Variants in CADM2 observed in about 807,000 individuals in gnomAD.
CADM2 encodes cell adhesion molecule 2.
Under a neutral mutation model 49.8 loss-of-function variants are expected in CADM2, and 12 were observed. The observed-to-expected ratio is 0.24, with a 90% CI of 0.15 to 0.39. CADM2 has a LOEUF of 0.39. Among genes scored for constraint, CADM2 ranks in the 10% least tolerant of loss-of-function variants. CADM2 has a pLI of 1.00. For synonymous variants in CADM2, 214 were observed against 175.4 expected (o/e 1.22, Z -1.74); for missense variants, 378 against 492.3 (o/e 0.77, Z 2.20).
intron 1 of CADM2, among the ~76,000 whole-genome samples, chr3:85,137,653 A>G (rs1249986165): frequency 1.3e-5 from 2 of 152,026 alleles, no homozygotes; most frequent in African/African-American, 4.8e-5. Flanking sequence ...AGCACTTTAA[A>G]ATGAGTTAGA....
intron 8 of CADM2, among the ~76,000 whole-genome samples, chr3:85,961,920 A>G (rs995154213): frequency 6.6e-6 from 1 of 151,750 alleles, no homozygotes; most frequent in African/African-American, 2.4e-5. Context: ...AAACTATATT[A>G]ATGATTGTCT....
chr3:85,681,010 C>A (rs1356807694), intron 1 of CADM2, among the ~76,000 whole-genome samples: 6 of 152,080 alleles, frequency 3.9e-5, no homozygotes, highest in Admixed American at 2.0e-4. Context: ...CTTTGATTTT[C>A]ATCAGACAGT....
chr3:85,321,297 C>T (rs1372170116), intron 1 of CADM2, among the ~76,000 whole-genome samples: 1 of 149,898 alleles, frequency 6.7e-6, no homozygotes, highest in Non-Finnish European at 1.5e-5. Flanking sequence ...CTCAGCCTTC[C>T]AAGTAGCTAG....
intron 7 of CADM2, among the ~76,000 whole-genome samples, chr3:85,948,837 G>C: frequency 6.6e-6 from 1 of 151,474 alleles, no homozygotes; most frequent in Admixed American, 6.6e-5. Flanking sequence ...TGATTGAGGA[G>C]GGCTCTAAAG....
chr3:85,980,406 C>T (rs368467804), intron 8 of CADM2, among the ~76,000 whole-genome samples: 9 of 151,470 alleles, frequency 5.9e-5, no homozygotes, highest in Admixed American at 4.0e-4. Context: ...AGAAAAAATT[C>T]TAATGTCTGA....
At chr3:85,457,345 C>T (rs945588289) in intron 1 of CADM2, among the ~76,000 whole-genome samples, 4 of 151,396 alleles carry the variant, frequency 2.6e-5, no homozygotes, top group Non-Finnish European at 4.4e-5. Context: ...CCTAGGAGGT[C>T]AAGGCTGCAG....
chr3:85,398,214 C>T (rs7610238), intron 1 of CADM2, among the ~76,000 whole-genome samples: 117,628 of 151,682 alleles, frequency 0.78, 47,754 homozygotes, highest in East Asian at 0.95. Context: ...TGTCCAGGGG[C>T]TCTCATTGTT....
intron 1 of CADM2, among the ~76,000 whole-genome samples, chr3:84,975,948 G>C (rs889418540): frequency 6.6e-6 from 1 of 151,846 alleles, no homozygotes; most frequent in South Asian, 2.1e-4. Flanking sequence ...CTGCTTAAAA[G>C]AACTGGGATT....
intron 2 of CADM2, among the ~76,000 whole-genome samples, chr3:85,794,551 A>T (rs1261939084): frequency 6.6e-6 from 1 of 152,186 alleles, no homozygotes; most frequent in Non-Finnish European, 1.5e-5. Flanking sequence ...ACTTGCTTGG[A>T]AAAGTAGCCA....
At chr3:85,020,250 C>A (rs2034437072) in intron 1 of CADM2, among the ~76,000 whole-genome samples, 2 of 151,964 alleles carry the variant, frequency 1.3e-5, no homozygotes, top group South Asian at 4.2e-4. Context: ...CTGAAAATAT[C>A]AGAAAAAATG....
chr3:85,463,335 T>G (rs1311223459), intron 1 of CADM2, among the ~76,000 whole-genome samples: 2 of 152,228 alleles, frequency 1.3e-5, no homozygotes, highest in East Asian at 1.9e-4. Flanking sequence ...TTCTCATATG[T>G]TCTCATTGCA....
intron 2 of CADM2, among the ~76,000 whole-genome samples, chr3:85,729,346 C>G (rs561366091): frequency 6.6e-6 from 1 of 152,136 alleles, no homozygotes; most frequent in African/African-American, 2.4e-5. Context: ...AGATAAACTT[C>G]ACTTCCTACA....
At chr3:85,812,970 T>G (rs2072975883) in intron 3 of CADM2, among the ~76,000 whole-genome samples, 1 of 152,212 alleles carries the variant, frequency 6.6e-6, no homozygotes, top group African/African-American at 2.4e-5. Flanking sequence ...TCGGGTTGGT[T>G]CCAAGTCTTT....
rs200806189 is a variant in CADM2 at position 85,340,527 on chromosome 3, T to C, written c.61+380859T>C. Reference sequence around the variant, plus strand: ...ATGTACAGATATCCATATATATGTATGTATATATTGAAAACATGTTTCTAT... The same window carrying C: ...ATGTACAGATATCCATATATATGTACGTATATATTGAAAACATGTTTCTAT... On this transcript the variant is annotated intron_variant, in intron 1 of 9. Transcript: ENST00000383699. Among the ~76,000 whole-genome samples, 35 of 151,724 alleles carry C rather than the reference T, an allele frequency of 2.3e-4. No individual in the cohort carries two copies. The East Asian group carries it at 6.7e-3, about 29-fold the overall frequency.
chr3:85,635,698 A>G (rs1013683782), intron 1 of CADM2, among the ~76,000 whole-genome samples: 6 of 152,298 alleles, frequency 3.9e-5, no homozygotes, highest in African/African-American at 7.2e-5. Context: ...AGTGCATACA[A>G]TTTAACAAAT....
At chr3:85,507,965 A>G (rs746624628) in intron 1 of CADM2, among the ~76,000 whole-genome samples, 1 of 152,102 alleles carries the variant, frequency 6.6e-6, no homozygotes, top group Non-Finnish European at 1.5e-5. Context: ...TTGGATATGC[A>G]TTTTTGCTTA....
At chr3:85,462,338 A>C (rs1443181578) in intron 1 of CADM2, among the ~76,000 whole-genome samples, 1 of 152,124 alleles carries the variant, frequency 6.6e-6, no homozygotes, top group East Asian at 1.9e-4. Flanking sequence ...AACAAAACCA[A>C]ATTTCTAACT....
chr3:85,749,078 G>A lies in CADM2; in HGVS notation c.88+22530G>A, dbSNP rs578107068. On this transcript the variant is annotated intron_variant, in intron 2 of 9. Transcript: ENST00000383699. ...AAGAGAAATTCATGGGAAAAAATATGCCACCTACAAGGAACAGATTTGCAC... is the reference window on the plus strand; with the variant it reads ...AAGAGAAATTCATGGGAAAAAATATACCACCTACAAGGAACAGATTTGCAC... Among the ~76,000 whole-genome samples, 4 of 151,612 alleles carry A rather than the reference G, an allele frequency of 2.6e-5. No individual in the cohort carries two copies. The East Asian group carries it at 5.8e-4, about 22-fold the overall frequency.
At chr3:85,151,205 T>G (rs937584980) in intron 1 of CADM2, among the ~76,000 whole-genome samples, 3 of 152,120 alleles carry the variant, frequency 2.0e-5, no homozygotes, top group African/African-American at 7.2e-5. Flanking sequence ...CAGTTAATTT[T>G]ATACAAATTC....
Sources: gnomAD v4.1 joint callset for allele counts (sites outside exome capture counted in the v4.1 genomes callset) on GRCh38, gnomAD v4.1.1 for gene constraint, MANE v1.5 for transcripts, NCBI Gene and HGNC (gene_info 2026-07-23, HGNC 2026-07-21) for gene names.